Variants in KLF12 observed in about 807,000 individuals in gnomAD.
The protein encoded by KLF12 is KLF transcription factor 12.
Under a neutral mutation model 37.8 loss-of-function variants are expected in KLF12, and 9 were observed. The ratio of observed to expected loss-of-function variants is 0.24; its 90% CI spans 0.14 to 0.42. KLF12 has a LOEUF of 0.42. Among genes scored for constraint, KLF12 ranks in the 10% least tolerant of loss-of-function variants. The probability of loss-of-function intolerance (pLI) is 1.00; values close to 1 mark genes in which losing one functional copy is unlikely to be tolerated. For synonymous variants in KLF12, 208 were observed against 202.1 expected (o/e 1.03, Z -0.25); for missense variants, 411 against 516.0 (o/e 0.80, Z 1.97).
chr13:73,929,503 G>C (rs1889564284), intron 3 of KLF12, among the ~76,000 whole-genome samples: 1 of 152,162 alleles, frequency 6.6e-6, no homozygotes, highest in Non-Finnish European at 1.5e-5. Context: ...AAGATCTACT[G>C]ATCAGAAAAG....
At chr13:74,152,009 C>T in the KLF12 span, among the ~76,000 whole-genome samples, 76,688 of 151,996 alleles carry the variant, frequency 0.5, 19,924 homozygotes, top group East Asian at 0.79. Context: ...GGGCAACTAA[C>T]ACTGTGAGGA....
At chr13:74,177,210 C>T in the KLF12 span, among the ~76,000 whole-genome samples, 1 of 152,168 alleles carries the variant, frequency 6.6e-6, no homozygotes. Flanking sequence ...TCATCAGAGA[C>T]ACATAGAGCC....
the KLF12 span, among the ~76,000 whole-genome samples, chr13:74,221,106 G>T: frequency 1.1e-4 from 17 of 151,188 alleles, no homozygotes; most frequent in Admixed American, 3.3e-4. Context: ...CCGGGTTCAC[G>T]CCATTCTCCT....
In KLF12 at chr13:73,937,194, A is replaced by T. The variant is rs545112591; in HGVS notation, c.123+6787T>A. Among the ~76,000 whole-genome samples, 135 of 150,382 alleles carry T rather than the reference A, an allele frequency of 9.0e-4. 1 individual carries two copies. The highest frequency in any genetic ancestry group is 3.5e-3 in the Middle Eastern group (1 of 288). ...ACAGAGCGAGACTCCGTCTCAAAAA[A>T]AAATAAATAAATAAAAAAGGATATT... On this transcript the variant is annotated intron_variant, in intron 3 of 7. Coordinates refer to ENST00000377669, the MANE Select transcript of KLF12 (RefSeq NM_007249.5).
intron 2 of KLF12, among the ~76,000 whole-genome samples, chr13:73,982,595 G>A (rs1043484236): frequency 2.0e-5 from 3 of 152,140 alleles, no homozygotes; most frequent in Non-Finnish European, 4.4e-5. Context: ...TAAAATTGTT[G>A]GGTTATCACA....
the KLF12 span, among the ~76,000 whole-genome samples, chr13:74,230,711 T>G: frequency 3.9e-5 from 6 of 152,208 alleles, no homozygotes; most frequent in Non-Finnish European, 8.8e-5. Context: ...TTGGGCCAAC[T>G]GCACAGAATT....
chr13:73,918,098 T>C (rs915151822), intron 3 of KLF12, among the ~76,000 whole-genome samples: 1 of 151,594 alleles, frequency 6.6e-6, no homozygotes, highest in Non-Finnish European at 1.5e-5. Flanking sequence ...ACACACCATA[T>C]ACACACACAC....
chr13:73,974,074 G>A (rs1335271154), intron 2 of KLF12, among the ~76,000 whole-genome samples: 2 of 152,070 alleles, frequency 1.3e-5, no homozygotes, highest in South Asian at 2.1e-4. Flanking sequence ...ATACAGAGGA[G>A]GAAGACAAAT....
the KLF12 span, among the ~76,000 whole-genome samples, chr13:74,201,788 T>C: frequency 6.6e-6 from 1 of 152,168 alleles, no homozygotes; most frequent in Non-Finnish European, 1.5e-5. Context: ...ATTTTAACCA[T>C]AGAAACCTGG....
chr13:73,766,271 T>C (rs1206745588), intron 5 of KLF12, among the ~76,000 whole-genome samples: 3 of 152,124 alleles, frequency 2.0e-5, no homozygotes, highest in East Asian at 1.9e-4. Flanking sequence ...TCCTGCTGTT[T>C]TGCAGCTACA....
the KLF12 span, among the ~76,000 whole-genome samples, chr13:74,158,731 T>C: frequency 6.6e-6 from 1 of 151,754 alleles, no homozygotes; most frequent in Non-Finnish European, 1.5e-5. Flanking sequence ...TATAAATACA[T>C]AAGAATATGA....
the KLF12 span, among the ~76,000 whole-genome samples, chr13:74,269,621 A>G: frequency 3.9e-5 from 6 of 152,174 alleles, no homozygotes; most frequent in Non-Finnish European, 7.3e-5. Flanking sequence ...TGAGAGAAGG[A>G]TATATACAGA....
chr13:73,990,203 G>C (rs1297097748), intron 2 of KLF12, among the ~76,000 whole-genome samples: 1 of 152,092 alleles, frequency 6.6e-6, no homozygotes, highest in East Asian at 1.9e-4. Context: ...TTACTAAAGA[G>C]AAGAACAAAA....
the KLF12 span, among the ~76,000 whole-genome samples, chr13:74,194,179 C>T: frequency 5.9e-5 from 9 of 152,088 alleles, no homozygotes; most frequent in African/African-American, 1.9e-4. Context: ...CCACAAATCT[C>T]CAATCAAGTT....
intron 2 of KLF12, among the ~76,000 whole-genome samples, chr13:73,985,377 A>G (rs1374366700): frequency 6.6e-6 from 1 of 152,206 alleles, no homozygotes; most frequent in Non-Finnish European, 1.5e-5. Flanking sequence ...AAGGACACTC[A>G]ACTCTCAGTT....
the KLF12 span, among the ~76,000 whole-genome samples, chr13:74,296,083 T>A: frequency 6.6e-6 from 1 of 151,924 alleles, no homozygotes; most frequent in African/African-American, 2.4e-5. Context: ...CCTCCCAAAG[T>A]GCTGGGATTA....
intron 3 of KLF12, among the ~76,000 whole-genome samples, chr13:73,881,693 CAGAT>C: frequency 6.6e-6 from 1 of 152,128 alleles, no homozygotes; most frequent in South Asian, 2.1e-4. Context: ...AGTTGTTTAT[CAGAT>C]AGAGCTAAAA....
the KLF12 span, among the ~76,000 whole-genome samples, chr13:74,267,314 A>G: frequency 2.6e-4 from 40 of 152,316 alleles, no homozygotes; most frequent in Admixed American, 2.3e-3. Flanking sequence ...CTTATAAGAG[A>G]CAGAACAATA....
chr13:73,795,795 C>A (rs902268715), intron 5 of KLF12, among the ~76,000 whole-genome samples: 1 of 151,998 alleles, frequency 6.6e-6, no homozygotes, highest in East Asian at 1.9e-4. Context: ...AACCAAGACT[C>A]AACATAAACT....
Sources: gnomAD v4.1 joint callset for allele counts (sites outside exome capture counted in the v4.1 genomes callset) on GRCh38, gnomAD v4.1.1 for gene constraint, MANE v1.5 for transcripts, NCBI Gene and HGNC (gene_info 2026-07-23, HGNC 2026-07-21) for gene names.